Variants in COL22A1 observed in about 807,000 individuals in gnomAD.
The protein encoded by COL22A1 is collagen alpha-1(XXII) chain.
A neutral mutation model predicts 248.9 loss-of-function variants in COL22A1; 221 were observed. That is an observed-to-expected ratio of 0.89 (90% CI 0.80 to 0.99). The LOEUF (loss-of-function observed/expected upper bound fraction) is 0.99, where lower values mean the gene tolerates loss of function less well. Among genes scored for constraint, COL22A1 ranks in the 50% least tolerant of loss-of-function variants. The pLI is 0.00. For synonymous variants in COL22A1, 891 were observed against 793.4 expected, an observed-to-expected ratio of 1.12 and a Z score of -2.07; for missense variants, 2,240 against 2,179.0, an observed-to-expected ratio of 1.03 and a Z score of -0.56.
At chr8:138,859,878 A>C (rs1822323329) in intron 3 of COL22A1, among the ~76,000 whole-genome samples, 2 of 126,180 alleles carry the variant, frequency 1.6e-5, no homozygotes, top group African/African-American at 5.3e-5. Flanking sequence ...GCACCTTGAG[A>C]GTAAAGCAAC....
intron 30 of COL22A1, 108 bp downstream of exon 30, chr8:138,715,569 TAAAAA>T: frequency 1.7e-5 from 1 of 58,842 alleles, no homozygotes; most frequent in Non-Finnish European, 3.6e-5. Flanking sequence ...ACTCTCATTT[TAAAAA>T]AAAAAAAAAA....
intron 1 of COL22A1, among the ~76,000 whole-genome samples, chr8:138,901,062 T>C (rs1322794999): frequency 6.6e-6 from 1 of 152,074 alleles, no homozygotes; most frequent in African/African-American, 2.4e-5. Context: ...GCTATAACAC[T>C]GTAATCATTG....
intron 3 of COL22A1, among the ~76,000 whole-genome samples, chr8:138,867,331 C>T (rs543434395): frequency 1.3e-5 from 2 of 152,230 alleles, no homozygotes; most frequent in African/African-American, 2.4e-5. Context: ...ATGAACTTCT[C>T]GACTCTGCTC....
At chr8:138,714,555 G>A (rs1829287555) in intron 30 of COL22A1, among the ~76,000 whole-genome samples, 1 of 152,118 alleles carries the variant, frequency 6.6e-6, no homozygotes, top group Admixed American at 6.5e-5. Flanking sequence ...CCCTCCCCTT[G>A]TCCTTTCCCA....
At chr8:138,796,389 CTTTTTTTTTTTTTTT>C (rs11284610) in intron 12 of COL22A1, among the ~76,000 whole-genome samples, 2 of 26,308 alleles carry the variant, frequency 7.6e-5, no homozygotes, top group African/African-American at 2.7e-4. Flanking sequence ...TGCTACTTTC[CTTTTTTTTTTTTTTT>C]TTTTTTTTTT....
intron 3 of COL22A1, among the ~76,000 whole-genome samples, chr8:138,870,382 A>G (rs555344444): frequency 4.0e-5 from 6 of 150,312 alleles, no homozygotes; most frequent in African/African-American, 1.5e-4. Flanking sequence ...GCCTATGTGC[A>G]GTGTGTGGGG....
intron 3 of COL22A1, among the ~76,000 whole-genome samples, chr8:138,858,351 T>G (rs1039114973): frequency 6.6e-6 from 1 of 152,190 alleles, no homozygotes; most frequent in African/African-American, 2.4e-5. Context: ...TTTTTCTTTT[T>G]TTCTTTTTCT....
intron 49 of COL22A1, among the ~76,000 whole-genome samples, chr8:138,632,985 G>A (rs978719767): frequency 1.3e-5 from 2 of 152,098 alleles, no homozygotes; most frequent in Non-Finnish European, 2.9e-5. Flanking sequence ...CTGGAATAAG[G>A]ATGCTGACTG....
chr8:138,863,386 G>T (rs1822631435), intron 3 of COL22A1, among the ~76,000 whole-genome samples: 1 of 152,158 alleles, frequency 6.6e-6, no homozygotes, highest in Non-Finnish European at 1.5e-5. Flanking sequence ...CTGGTTGTGG[G>T]CTCCGCTGTC....
intron 36 of COL22A1, 72 bp downstream of exon 36, chr8:138,690,749 C>G (rs1329488624): frequency 4.7e-6 from 6 of 1,274,058 alleles, no homozygotes; most frequent in South Asian, 1.4e-5. Flanking sequence ...TCCTACGCCT[C>G]TGGCTTTTGG....
intron 35 of COL22A1, among the ~76,000 whole-genome samples, chr8:138,691,514 T>C (rs1212493999): frequency 6.5e-5 from 5 of 76,402 alleles, no homozygotes; most frequent in Non-Finnish European, 1.1e-4. Context: ...CATGTGTGCA[T>C]ATTTGTGAAG....
At chr8:138,620,222 C>A (rs13252946) in intron 52 of COL22A1, 118,742 of 151,654 alleles carry the variant, frequency 0.78, 47,511 homozygotes, top group Middle Eastern at 0.92. Flanking sequence ...TGAGGGGAGG[C>A]CGGGCAGAGG....
intron 41 of COL22A1, among the ~76,000 whole-genome samples, chr8:138,673,582 C>T (rs967543254): frequency 6.6e-6 from 1 of 152,138 alleles, no homozygotes; most frequent in African/African-American, 2.4e-5. Context: ...ATAAATCCTG[C>T]CCATCCTGCC....
At chr8:138,692,152 ATGTGTATG>A (rs1827057287) in intron 35 of COL22A1, among the ~76,000 whole-genome samples, 1 of 16,790 alleles carries the variant, frequency 6.0e-5, no homozygotes, top group African/African-American at 2.3e-4. Context: ...TTGTGGTGGT[ATGTGTATG>A]TGTGGAGGTG....
At chr8:138,613,091 ATAAAAATT>A (rs1269988038) in intron 56 of COL22A1, among the ~76,000 whole-genome samples, 1 of 151,876 alleles carries the variant, frequency 6.6e-6, no homozygotes, top group Non-Finnish European at 1.5e-5. Flanking sequence ...TACTAAAAAT[ATAAAAATT>A]TAGCCGGGCG....
chr8:138,639,947 C>T lies in COL22A1; in HGVS notation c.3502-3152G>A, dbSNP rs77054011. ...CAATTAGTTAATACAGACACATAGA[C>T]GGCCACCGCAATTACCAGGTGAATC... is the stretch of plus-strand genomic sequence containing the variant. On this transcript the variant is annotated intron_variant, in intron 47 of 64. Coordinates refer to ENST00000303045, the MANE Select transcript of COL22A1 (RefSeq NM_152888.3). Among the ~76,000 whole-genome samples, 1,078 of 152,288 alleles carry T rather than the reference C, an allele frequency of 7.1e-3. 10 individuals are homozygous for T. Among genetic ancestry groups the T allele is most frequent in the African/African-American group, 0.023 (964 of 41,556 alleles).
intron 16 of COL22A1, among the ~76,000 whole-genome samples, chr8:138,770,362 C>T (rs1563739619): frequency 6.6e-6 from 1 of 152,224 alleles, no homozygotes. Context: ...CCCTGGACAG[C>T]CCACTCGGGC....
At chr8:138,737,319 G>A (rs1831197236) in intron 23 of COL22A1, among the ~76,000 whole-genome samples, 1 of 152,042 alleles carries the variant, frequency 6.6e-6, no homozygotes, top group Non-Finnish European at 1.5e-5. Flanking sequence ...ATTCCTTCAG[G>A]ATAGCCAACA....
In COL22A1 at chr8:138,878,280, A is replaced by G; in HGVS notation, c.128T>C (p.Leu43Pro). ...KSVHYDLVFL[L>P]DTSSSVGKED... ...CTTGCCCACGCTGGAGGAGGTGTCC[A>G]GGAGGAAGACCAGATCGTAGTGGAC... The change falls in exon 3 of 65, where the codon CTG (leucine) becomes CCG (proline). Residue 43 changes from leucine to proline, a missense_variant. Transcript: ENST00000303045. 1 of 1,577,576 alleles carries G rather than the reference A, an allele frequency of 6.3e-7. No individual in the cohort carries two copies. Among genetic ancestry groups the G allele is most frequent in the Non-Finnish European group, 8.6e-7 (1 of 1,161,338 alleles).
Sources: gnomAD v4.1 joint callset for allele counts (sites outside exome capture counted in the v4.1 genomes callset) on GRCh38, gnomAD v4.1.1 for gene constraint, MANE v1.5 for transcripts, NCBI Gene and HGNC (gene_info 2026-07-23, HGNC 2026-07-21) for gene names.